The following GOLGA3 variants were observed in gnomAD, a reference collection of about 807,000 sequenced individuals.
GOLGA3 encodes golgin subfamily A member 3.
GOLGA3 carries 75 observed loss-of-function variants against 169.4 expected under a neutral mutation model. The observed-to-expected ratio is 0.44, with a 90% CI of 0.37 to 0.54. The LOEUF (loss-of-function observed/expected upper bound fraction) is 0.54, where lower values mean the gene tolerates loss of function less well. GOLGA3 is among the 20% of genes least tolerant of loss of function. The pLI is 0.00. For missense variants in GOLGA3, 1,899 were observed against 1,930.0 expected (o/e 0.98, Z 0.30); for synonymous variants, 824 against 822.4 (o/e 1.00, Z -0.03).
In GOLGA3 at chr12:132,773,021, G is replaced by C. The variant is rs1336405174; in HGVS notation, c.*84C>G. The C allele has an allele frequency of 1.9e-6, 2 of 1,045,650 alleles. No homozygotes were observed. Among genetic ancestry groups the C allele is most frequent in the East Asian group, 6.0e-5 (2 of 33,486 alleles). 64.8% of individuals were successfully genotyped at this position (1,045,650 alleles called of 1,614,324 possible). Reference sequence around the variant, plus strand: ...AACAAAACTTAAATTTCATGTCTTAGAAAAACATCGACCACACAATCAAAT... The same window carrying C: ...AACAAAACTTAAATTTCATGTCTTACAAAAACATCGACCACACAATCAAAT... On this transcript the variant is annotated 3_prime_UTR_variant, in exon 24 of 24. Coordinates refer to ENST00000450791, the MANE Select transcript of GOLGA3 (RefSeq NM_001389683.1).
At chr12:132,782,166 T>A in intron 17 of GOLGA3, 130 bp downstream of exon 17, 1 of 870,334 alleles carries the variant, frequency 1.1e-6, no homozygotes, top group East Asian at 2.4e-5. Flanking sequence ...CCTGAGCCTG[T>A]TCTCTCGGCT....
At position 132,769,078 on chromosome 12, in the gene GOLGA3, T is replaced by A. The variant is rs1246414475; in HGVS notation, c.*4027A>T. On this transcript the variant is annotated 3_prime_UTR_variant, in exon 24 of 24. Transcript: ENST00000450791. ...GGACTCTCTTTTGTGAGGAAATTTTTAATAAAAACAAGTAACTCAAAAGCA... is the reference window on the plus strand; with the variant it reads ...GGACTCTCTTTTGTGAGGAAATTTTAAATAAAAACAAGTAACTCAAAAGCA... 6.6e-6 allele frequency: 1 copy of A among 152,592 alleles called. No individual in the cohort carries two copies. The highest frequency in any genetic ancestry group is 2.4e-5 in the African/African-American group (1 of 41,460). 9.5% of individuals were successfully genotyped at this position (152,592 alleles called of 1,614,324 possible). A position where few individuals can be genotyped will look rare whatever the true frequency, so the allele number is the denominator to read the frequency against.
chr12:132,818,163 G>A (rs1950072257), intron 2 of GOLGA3, among the ~76,000 whole-genome samples: 1 of 149,436 alleles, frequency 6.7e-6, no homozygotes, highest in Non-Finnish European at 1.5e-5. Context: ...ATGCTCTAAG[G>A]TGAACTCGCC....
At chr12:132,798,980 G>A (rs984330688) in intron 8 of GOLGA3, among the ~76,000 whole-genome samples, 17 of 152,206 alleles carry the variant, frequency 1.1e-4, no homozygotes, top group Admixed American at 2.6e-4. Context: ...CAAGCGTCTC[G>A]TGAAAAAGCC....
At chr12:132,795,144 C>T (rs940346562) in intron 11 of GOLGA3, among the ~76,000 whole-genome samples, 8 of 149,438 alleles carry the variant, frequency 5.4e-5, no homozygotes, top group Non-Finnish European at 1.2e-4. Flanking sequence ...CCGAGATCAC[C>T]GCACTACACT....
chr12:132,825,282 A>G (rs556952068), intron 1 of GOLGA3, among the ~76,000 whole-genome samples: 110 of 152,192 alleles, frequency 7.2e-4, no homozygotes, highest in African/African-American at 2.5e-3. Context: ...CCCCGCAGGT[A>G]AAGTGTCTCG....
chr12:132,811,175 C>T (rs1282368016), intron 4 of GOLGA3, among the ~76,000 whole-genome samples: 2 of 152,276 alleles, frequency 1.3e-5, no homozygotes, highest in East Asian at 3.9e-4. Flanking sequence ...GGGGCCACTA[C>T]CTGTCTCCAC....
At chr12:132,784,771 CCA>C (rs2045809313) in intron 15 of GOLGA3, among the ~76,000 whole-genome samples, 1 of 141,186 alleles carries the variant, frequency 7.1e-6, no homozygotes, top group Non-Finnish European at 1.5e-5. Flanking sequence ...TGTTCACACC[CCA>C]CACCACACAT....
At chr12:132,806,369 C>T (rs1301715784) in intron 6 of GOLGA3, among the ~76,000 whole-genome samples, 2 of 152,234 alleles carry the variant, frequency 1.3e-5, no homozygotes, top group African/African-American at 2.4e-5. Flanking sequence ...GGAGAAGTGA[C>T]GACCGTACAA....
chr12:132,821,950 A>C (rs756882872), intron 2 of GOLGA3, 46 bp downstream of exon 2: 1 of 1,321,160 alleles, frequency 7.6e-7, no homozygotes, highest in Non-Finnish European at 1.0e-6. Context: ...CTCCCTCAAC[A>C]CCAGGTCCTC....
At chr12:132,817,450 T>C (rs1950015422) in intron 2 of GOLGA3, among the ~76,000 whole-genome samples, 1 of 38,570 alleles carries the variant, frequency 2.6e-5, no homozygotes, top group Admixed American at 2.7e-4. Flanking sequence ...GAACCCGCCC[T>C]CCACACCTCC....
rs747480221 is a variant in GOLGA3 at position 132,774,328 on chromosome 12, T to A, written c.4144-8A>T. ...GCCTTTCGGCTCCTTTCTCTGTTTT[T>A]AAAAGCACATGATCAGCTTTCCCAC... On this transcript the variant is annotated splice_polypyrimidine_tract_variant and splice_region_variant and intron_variant, in intron 22 of 23. Transcript: ENST00000450791. 35 of 1,610,728 alleles carry A rather than the reference T, an allele frequency of 2.2e-5. No individual in the cohort carries two copies. Among genetic ancestry groups the A allele is most frequent in the Middle Eastern group, 1.6e-4 (1 of 6,074 alleles).
chr12:132,804,724 T>C lies in GOLGA3; in HGVS notation c.1589A>G (p.Asp530Gly). 6.2e-7 allele frequency: 1 copy of C among 1,612,424 alleles called. No individual in the cohort carries two copies. Among genetic ancestry groups the C allele is most frequent in the Admixed American group, 1.7e-5 (1 of 59,996 alleles). ...EDMQRSMLSK[D>G]NTVHDLRQQM... ...GCCAGGGCCAGCCTCACCTGTGTTG[T>C]CCTTGCTGAGCATGCTCCTCTGCAT... Residue 530 changes from aspartate to glycine, a missense_variant, in exon 7 of 24, where the codon GAC (aspartate) becomes GGC (glycine). Asp to Gly is a moderately conservative substitution (Grantham distance 94). Coordinates refer to ENST00000450791, the MANE Select transcript of GOLGA3 (RefSeq NM_001389683.1). The surrounding 1 kb of genome is among the most constrained non-coding windows in gnomAD (Gnocchi z 4.1).
intron 22 of GOLGA3, 63 bp downstream of exon 22, chr12:132,775,078 C>T: frequency 2.1e-6 from 3 of 1,443,720 alleles, no homozygotes; most frequent in Non-Finnish European, 2.8e-6. Flanking sequence ...GTCTGCCAGC[C>T]TCCTGTCCGA....
rs1026554692 is a variant in GOLGA3 at position 132,801,772 on chromosome 12, T to A, written c.1795A>T (p.Ile599Phe). The change falls in exon 8 of 24, where the codon ATC becomes TTC. Residue 599 changes from isoleucine to phenylalanine, a missense_variant. Physicochemically the swap from Ile to Phe is conservative, Grantham distance 21. Coordinates refer to ENST00000450791, the MANE Select transcript of GOLGA3 (RefSeq NM_001389683.1). The part of the protein sequence containing the change: ...RVRLQGEMAH[I>F]QVGQMTQAGL... ...AAGGTAGATGTGGGCCGTACCTGGATGTGGGCCATCTCACCCTGCAGCCTG... is the reference window on the plus strand; with the variant it reads ...AAGGTAGATGTGGGCCGTACCTGGAAGTGGGCCATCTCACCCTGCAGCCTG... 2 of 1,612,074 alleles carry A rather than the reference T, an allele frequency of 1.2e-6. No individual in the cohort carries two copies. Among genetic ancestry groups the A allele is most frequent in the African/African-American group, 2.7e-5 (2 of 74,946 alleles).
intron 17 of GOLGA3, among the ~76,000 whole-genome samples, chr12:132,782,084 C>A (rs2045637334): frequency 6.6e-6 from 1 of 152,200 alleles, no homozygotes; most frequent in Non-Finnish European, 1.5e-5. Context: ...GACCCCTGAG[C>A]CTGTTCCTCC....
chr12:132,799,178 G>A (rs759141584), intron 8 of GOLGA3, among the ~76,000 whole-genome samples: 5 of 152,230 alleles, frequency 3.3e-5, no homozygotes, highest in African/African-American at 4.8e-5. Context: ...GAAGGTGCAC[G>A]GAGCCAGGGA....
Position 132,821,798 on chromosome 12 carries a change from G to A in GOLGA3, c.133+198C>T, listed in dbSNP as rs533626364. On this transcript the variant is annotated intron_variant, in intron 2 of 23. Coordinates refer to ENST00000450791, the MANE Select transcript of GOLGA3 (RefSeq NM_001389683.1). Reference sequence around the variant, plus strand: ...GAACCCGGGAGGCGGAGCTTGCAGCGAGCCGAGATCACGCCACTGCAGTCC... The same window carrying A: ...GAACCCGGGAGGCGGAGCTTGCAGCAAGCCGAGATCACGCCACTGCAGTCC... Among the ~76,000 whole-genome samples, 21 of 143,316 alleles carry A rather than the reference G, an allele frequency of 1.5e-4. 5 individuals carry two copies. Among genetic ancestry groups the A allele is most frequent in the East Asian group, 4.2e-4 (2 of 4,780 alleles). The allele number at this position is 143,316 out of a possible 152,430, so 94.0% of individuals were successfully genotyped here.
At chr12:132,795,165 G>A (rs1174425233) in intron 11 of GOLGA3, among the ~76,000 whole-genome samples, 3 of 141,138 alleles carry the variant, frequency 2.1e-5, no homozygotes, top group South Asian at 4.4e-4. Context: ...CCAGCCTGGC[G>A]ACAGAGTGAG....
Sources: gnomAD v4.1 joint callset for allele counts (sites outside exome capture counted in the v4.1 genomes callset) on GRCh38, gnomAD v4.1.1 for gene constraint, Gnocchi (gnomAD v3.1) non-coding constraint, MANE v1.5 for transcripts, NCBI Gene and HGNC (gene_info 2026-07-23, HGNC 2026-07-21) for gene names.